PYHIN1: variants seen among roughly 807,000 people sequenced by gnomAD.
The protein encoded by PYHIN1 is pyrin and HIN domain-containing protein 1.
Under a neutral mutation model 43.7 loss-of-function variants are expected in PYHIN1, and 32 were observed. The observed-to-expected ratio is 0.73, with a 90% CI of 0.55 to 0.98. The LOEUF (loss-of-function observed/expected upper bound fraction) is 0.98. Among genes scored for constraint, PYHIN1 ranks in the 50% least tolerant of loss-of-function variants. PYHIN1 has a pLI of 0.00. For missense variants in PYHIN1, 588 were observed against 589.5 expected (o/e 1.00, Z 0.03); for synonymous variants, 205 against 203.1 (o/e 1.01, Z -0.08).
In PYHIN1 at chr1:158,939,075, TG is replaced by T; in HGVS notation, c.412-4del. ...TAATTAACAAGAAAAATAAACTACTTGTAGAAAAGAAAAAAACCATCTGAAG... is the reference window on the plus strand; with the variant it reads ...TAATTAACAAGAAAAATAAACTACTTTAGAAAAGAAAAAAACCATCTGAAG... On this transcript the variant is annotated splice_polypyrimidine_tract_variant and splice_region_variant and intron_variant, in intron 3 of 8. Coordinates refer to ENST00000368140, the MANE Select transcript of PYHIN1 (RefSeq NM_152501.5). The T allele has an allele frequency of 6.4e-7, 1 of 1,572,758 alleles. No individual in the cohort carries two copies. The highest frequency in any genetic ancestry group is 2.2e-5 in the East Asian group (1 of 44,470).
intron 7 of PYHIN1, among the ~76,000 whole-genome samples, chr1:158,972,347 TTCAA>T (rs1045727991): frequency 1.3e-5 from 2 of 152,050 alleles, no homozygotes; most frequent in African/African-American, 4.8e-5. Flanking sequence ...GACAGAGCTT[TTCAA>T]TCAATCTCTG....
At chr1:158,976,435 T>A (rs968900724) in intron 8 of PYHIN1, among the ~76,000 whole-genome samples, 1 of 152,032 alleles carries the variant, frequency 6.6e-6, no homozygotes. Flanking sequence ...CTCTATCTTA[T>A]TGTTCCCTGA....
rs1036661114 is a variant in PYHIN1, at chr1:158,942,204, C to G, written c.807C>G (p.Ile269Met). Residue 269 changes from isoleucine (I) to methionine (M), a missense_variant, in exon 5 of 9, where the codon ATC becomes ATG. Transcript: ENST00000368140. ...GGAAATTCATTAAAAAGAGAATCAT[C>G]ATTATATCAAATTATTCCAAACGTA... The part of the protein sequence containing the change: ...LKRKFIKKRI[I>M]IISNYSKRNS... 6 of 1,613,800 alleles carry G rather than the reference C, an allele frequency of 3.7e-6. No individual in the cohort carries two copies. The highest frequency in any genetic ancestry group is 2.2e-5 in the South Asian group (2 of 91,058).
chr1:158,983,643 C>T, the PYHIN1 span, among the ~76,000 whole-genome samples: 1 of 151,992 alleles, frequency 6.6e-6, no homozygotes, highest in Admixed American at 6.6e-5. Context: ...CAGAATAATG[C>T]TGACCTCATA....
intron 7 of PYHIN1, among the ~76,000 whole-genome samples, chr1:158,954,434 G>T (rs1240770694): frequency 9.9e-6 from 1 of 101,024 alleles, no homozygotes; most frequent in African/African-American, 3.6e-5. Flanking sequence ...AGAAGAGAGT[G>T]GGGGCCAATA....
chr1:158,981,426 G>T (rs909381732), downstream of PYHIN1, among the ~76,000 whole-genome samples: 1 of 152,104 alleles, frequency 6.6e-6, no homozygotes, highest in East Asian at 1.9e-4. Flanking sequence ...AGCCAAGATT[G>T]TGCCATTGCA....
At chr1:158,939,358 G>T in intron 4 of PYHIN1, 111 bp downstream of exon 4, 2 of 1,605,202 alleles carry the variant, frequency 1.2e-6, no homozygotes, top group Non-Finnish European at 8.5e-7. Flanking sequence ...TAAATCAAAT[G>T]TATAGACTGA....
chr1:158,975,204 C>G (rs1015161354), intron 8 of PYHIN1, among the ~76,000 whole-genome samples: 2 of 147,058 alleles, frequency 1.4e-5, no homozygotes, highest in African/African-American at 5.0e-5. Flanking sequence ...GAAGTCCTTG[C>G]TTTTGTATAT....
At chr1:158,964,729 T>C (rs557103871) in intron 7 of PYHIN1, among the ~76,000 whole-genome samples, 1 of 152,136 alleles carries the variant, frequency 6.6e-6, no homozygotes, top group African/African-American at 2.4e-5. Flanking sequence ...TAAGAGATAC[T>C]GAAAGGAACA....
the PYHIN1 span, among the ~76,000 whole-genome samples, chr1:158,982,801 C>T: frequency 6.6e-6 from 1 of 152,040 alleles, no homozygotes; most frequent in Non-Finnish European, 1.5e-5. Flanking sequence ...TTGTTTGTAT[C>T]ATCTCTAATT....
At chr1:158,935,790 C>A in intron 1 of PYHIN1, among the ~76,000 whole-genome samples, 1 of 152,086 alleles carries the variant, frequency 6.6e-6, no homozygotes, top group East Asian at 1.9e-4. Context: ...AAACAACAGG[C>A]AGGTTTTGGG....
chr1:158,954,402 C>T (rs1571753698), intron 7 of PYHIN1, among the ~76,000 whole-genome samples: 1 of 38,362 alleles, frequency 2.6e-5, no homozygotes, highest in African/African-American at 7.3e-5. Context: ...CAGCGGATCT[C>T]TCAGCAGAAA....
At chr1:158,970,889 A>G (rs1650896491) in intron 7 of PYHIN1, among the ~76,000 whole-genome samples, 1 of 152,056 alleles carries the variant, frequency 6.6e-6, no homozygotes, top group South Asian at 2.1e-4. Context: ...TTCACATATG[A>G]GAATCATGAG....
intron 7 of PYHIN1, among the ~76,000 whole-genome samples, chr1:158,950,800 G>A (rs972806921): frequency 1.3e-5 from 2 of 152,150 alleles, no homozygotes; most frequent in African/African-American, 4.8e-5. Context: ...GTCTTTGGGG[G>A]TTATATGGGA....
chr1:158,953,075 T>C (rs1171695725), intron 7 of PYHIN1, among the ~76,000 whole-genome samples: 1 of 152,228 alleles, frequency 6.6e-6, no homozygotes, highest in African/African-American at 2.4e-5. Flanking sequence ...CAGGAGATTA[T>C]ATCCTGCACC....
chr1:158,972,894 A>T (rs1282272961), intron 7 of PYHIN1, among the ~76,000 whole-genome samples: 1 of 152,116 alleles, frequency 6.6e-6, no homozygotes, highest in Non-Finnish European at 1.5e-5. Flanking sequence ...CCCTGTAAGT[A>T]ATTGAGATTA....
At chr1:158,968,432 AG>A (rs2101726217) in intron 7 of PYHIN1, among the ~76,000 whole-genome samples, 1 of 152,268 alleles carries the variant, frequency 6.6e-6, no homozygotes, top group South Asian at 2.1e-4. Flanking sequence ...GTTATTAAAA[AG>A]TCAAAAAATA....
At chr1:158,985,147 G>A in the PYHIN1 span, among the ~76,000 whole-genome samples, 2 of 152,210 alleles carry the variant, frequency 1.3e-5, no homozygotes, top group Admixed American at 1.3e-4. Flanking sequence ...TGGTTAGCCT[G>A]CTTATGTTCA....
At chr1:158,975,101 C>T (rs1274810232) in intron 8 of PYHIN1, among the ~76,000 whole-genome samples, 4 of 151,974 alleles carry the variant, frequency 2.6e-5, no homozygotes, top group Admixed American at 2.6e-4. Flanking sequence ...CCTAACCTCC[C>T]ATATAGCCAT....
Sources: gnomAD v4.1 joint callset for allele counts (sites outside exome capture counted in the v4.1 genomes callset) on GRCh38, gnomAD v4.1.1 for gene constraint, MANE v1.5 for transcripts, NCBI Gene and HGNC (gene_info 2026-07-23, HGNC 2026-07-21) for gene names.